PTPRN2: variants seen among roughly 807,000 people sequenced by gnomAD.
The protein encoded by PTPRN2 is receptor-type tyrosine-protein phosphatase N2.
A neutral mutation model predicts 118.8 loss-of-function variants in PTPRN2; 74 were observed. The observed-to-expected ratio is 0.62, with a 90% CI of 0.52 to 0.76. PTPRN2 has a LOEUF of 0.76. Among genes scored for constraint, PTPRN2 ranks in the 30% least tolerant of loss-of-function variants. The probability of loss-of-function intolerance (pLI) is 0.00; values close to 1 mark genes in which losing one functional copy is unlikely to be tolerated. For synonymous variants in PTPRN2, 641 were observed against 608.0 expected (o/e 1.05, Z -0.80); for missense variants, 1,481 against 1,394.4 (o/e 1.06, Z -0.99).
intron 2 of PTPRN2, among the ~76,000 whole-genome samples, chr7:158,407,756 C>T (rs1813712006): frequency 1.3e-5 from 2 of 152,222 alleles, no homozygotes; most frequent in South Asian, 4.1e-4. Flanking sequence ...GCCGCTCAAG[C>T]AGAGCCCGGC....
intron 2 of PTPRN2, among the ~76,000 whole-genome samples, chr7:158,331,691 C>A (rs1250531653): frequency 6.7e-6 from 1 of 150,132 alleles, no homozygotes; most frequent in Non-Finnish European, 1.5e-5. Flanking sequence ...AGAGGTGACA[C>A]TTGCAGACGT....
rs760911129 is a variant in PTPRN2 at position 157,627,507 on chromosome 7, A to G, written c.2197-5998T>C. ...TGCTGTCTGTTCCCTGATCCTTAGGAAGCGTTTGGAGGTGTGTCTTTCGTC... is the reference window on the plus strand; with the variant it reads ...TGCTGTCTGTTCCCTGATCCTTAGGGAGCGTTTGGAGGTGTGTCTTTCGTC... On this transcript the variant is annotated intron_variant, in intron 14 of 22. Coordinates refer to ENST00000389418, the MANE Select transcript of PTPRN2 (RefSeq NM_002847.5). The surrounding 1 kb of genome is among the most constrained non-coding windows in gnomAD (Gnocchi z 4.2). Among the ~76,000 whole-genome samples the G allele has an allele frequency of 3.3e-5, 5 of 152,122 alleles. No individual in the cohort carries two copies. Among genetic ancestry groups the G allele is most frequent in the Admixed American group, 6.5e-5 (1 of 15,278 alleles).
intron 3 of PTPRN2, among the ~76,000 whole-genome samples, chr7:158,287,293 T>C (rs1422896987): frequency 6.6e-6 from 1 of 152,086 alleles, no homozygotes; most frequent in Non-Finnish European, 1.5e-5. Flanking sequence ...CCATTGATCT[T>C]TTCTATTGTT....
intron 12 of PTPRN2, among the ~76,000 whole-genome samples, chr7:157,858,967 C>T (rs1245868129): frequency 1.9e-3 from 2 of 1,048 alleles, no homozygotes. Flanking sequence ...AGCCTCCCAG[C>T]CACCACCCAC....
rs930657003 is a variant in PTPRN2, at chr7:158,113,605, T to G, written c.1557-2690A>C. ...AGCAGGGCCTGCAGATTCAGACTCATGAGCAGGCGCATGCCGTGACTAGTC... is the reference window on the plus strand; with the variant it reads ...AGCAGGGCCTGCAGATTCAGACTCAGGAGCAGGCGCATGCCGTGACTAGTC... On this transcript the variant is annotated intron_variant, in intron 9 of 22. Coordinates refer to ENST00000389418, the MANE Select transcript of PTPRN2 (RefSeq NM_002847.5). Among the ~76,000 whole-genome samples the G allele has an allele frequency of 1.6e-4, 24 of 152,054 alleles. 1 individual carries two copies. The highest frequency in any genetic ancestry group is 1.4e-3 in the Admixed American group (21 of 15,276).
chr7:157,770,971 G>C (rs951060919), intron 12 of PTPRN2, among the ~76,000 whole-genome samples: 5 of 152,254 alleles, frequency 3.3e-5, no homozygotes, highest in African/African-American at 1.2e-4. Context: ...TTGGCCGGTT[G>C]AGGCAGCAGA....
intron 17 of PTPRN2, among the ~76,000 whole-genome samples, chr7:157,589,352 C>A (rs545586942): frequency 6.6e-6 from 1 of 152,390 alleles, no homozygotes; most frequent in South Asian, 2.1e-4. Context: ...CTTATGCCCA[C>A]TGGACTCGAA....
chr7:157,873,258 C>T (rs1427265233), intron 12 of PTPRN2, among the ~76,000 whole-genome samples: 2 of 152,242 alleles, frequency 1.3e-5, no homozygotes, highest in African/African-American at 4.8e-5. Context: ...GAGTGCTGAG[C>T]AAGTATCTGT....
Position 157,603,234 on chromosome 7 carries a change from C to A in PTPRN2, c.2418+768G>T, listed in dbSNP as rs972937841. On this transcript the variant is annotated intron_variant, in intron 16 of 22. Transcript: ENST00000389418. The surrounding 1 kb of genome is among the most constrained non-coding windows in gnomAD (Gnocchi z 5.4). ...GCTTCAGCCCTCTCCATGCTCATAT[C>A]TCTCCCTCCTCTGCTCACTCTGGGA... Among the ~76,000 whole-genome samples the A allele has an allele frequency of 6.6e-6, 1 of 151,556 alleles. No individual in the cohort carries two copies. The highest frequency in any genetic ancestry group is 2.4e-5 in the African/African-American group (1 of 41,300).
At chr7:158,070,770 CATGGTGGAGGTG>C (rs1811276881) in intron 11 of PTPRN2, among the ~76,000 whole-genome samples, 4 of 67,064 alleles carry the variant, frequency 6.0e-5, no homozygotes, top group Admixed American at 1.7e-4. Context: ...TGGAGGTGCT[CATGGTGGAGGTG>C]CCCGTGGTGG....
In PTPRN2 at chr7:158,533,949, C is replaced by T. The variant is rs118041920; in HGVS notation, c.113-44164G>A. Among the ~76,000 whole-genome samples the T allele has an allele frequency of 9.3e-3, 1,411 of 152,362 alleles. 93 individuals are homozygous for T. The highest frequency in any genetic ancestry group is 0.084 in the Admixed American group (1,289 of 15,308). On this transcript the variant is annotated intron_variant, in intron 1 of 22. Transcript: ENST00000389418. The stretch of plus-strand genomic sequence containing the variant: ...ACTGCCTTTGCTGGGGATGCCTTGC[C>T]TGAAGATGCAGGGGCTACCCTCCCT...
chr7:158,011,849 A>C (rs1219889718), intron 11 of PTPRN2, among the ~76,000 whole-genome samples: 1 of 152,134 alleles, frequency 6.6e-6, no homozygotes, highest in Non-Finnish European at 1.5e-5. Flanking sequence ...ACTCAGAAAA[A>C]ATCCAGCTGG....
In PTPRN2 at chr7:157,874,865, T is replaced by C. The variant is rs1795634898; in HGVS notation, c.1788+23808A>G. On this transcript the variant is annotated intron_variant, in intron 12 of 22. Transcript: ENST00000389418. This position sits in a 1 kb window ranked among gnomAD's most constrained non-coding sequence, Gnocchi z 5.8. ...TGCACATATACACACGGAGACACACTCGTGCACATACACACACGGAGACAC... is the reference window on the plus strand; with the variant it reads ...TGCACATATACACACGGAGACACACCCGTGCACATACACACACGGAGACAC... Among the ~76,000 whole-genome samples the C allele has an allele frequency of 6.8e-6, 1 of 146,580 alleles. No homozygotes were observed. The highest frequency in any genetic ancestry group is 1.5e-5 in the Non-Finnish European group (1 of 66,848).
chr7:157,846,599 C>G (rs574835812), intron 12 of PTPRN2, among the ~76,000 whole-genome samples: 1 of 152,220 alleles, frequency 6.6e-6, no homozygotes, highest in Non-Finnish European at 1.5e-5. Flanking sequence ...GAGAGAAAAT[C>G]GTGTCATGGA....
At chr7:158,071,013 G>A (rs1436635216) in intron 11 of PTPRN2, among the ~76,000 whole-genome samples, 8 of 94,820 alleles carry the variant, frequency 8.4e-5, no homozygotes, top group African/African-American at 3.6e-4. Flanking sequence ...GGTGGTGGAG[G>A]TGCTCGTGGT....
At chr7:157,943,745 G>A (rs1800292562) in intron 11 of PTPRN2, among the ~76,000 whole-genome samples, 1 of 151,434 alleles carries the variant, frequency 6.6e-6, no homozygotes, top group Non-Finnish European at 1.5e-5. Context: ...CTAGGACACC[G>A]AAGCCCCCGC....
intron 12 of PTPRN2, among the ~76,000 whole-genome samples, chr7:157,776,084 C>T (rs979128904): frequency 2.0e-5 from 3 of 148,264 alleles, no homozygotes; most frequent in Non-Finnish European, 4.5e-5. Flanking sequence ...CTCTTCTCTT[C>T]CTCCCTCCTC....
In PTPRN2 at chr7:157,974,049, G is replaced by A. The variant is rs565007726; in HGVS notation, c.1724-75312C>T. On this transcript the variant is annotated intron_variant, in intron 11 of 22. Transcript: ENST00000389418. This position sits in a 1 kb window ranked among gnomAD's most constrained non-coding sequence, Gnocchi z 4.0. ...TCTGACCACTGCTGTTGACGTTGGC[G>A]GGGTAGCAGGTGTGGCCATAACATG... 5.1e-4 allele frequency among the ~76,000 whole-genome samples: 77 copies of A among 152,330 alleles called. No individual in the cohort carries two copies. The highest frequency in any genetic ancestry group is 3.5e-3 in the South Asian group (17 of 4,830).
chr7:158,423,747 G>A (rs763689820), intron 2 of PTPRN2, among the ~76,000 whole-genome samples: 3 of 148,878 alleles, frequency 2.0e-5, no homozygotes, highest in South Asian at 2.2e-4. Flanking sequence ...CTGACCTCAA[G>A]TGTTCCGCCC....
Sources: gnomAD v4.1 joint callset for allele counts (sites outside exome capture counted in the v4.1 genomes callset) on GRCh38, gnomAD v4.1.1 for gene constraint, Gnocchi (gnomAD v3.1) non-coding constraint, MANE v1.5 for transcripts, NCBI Gene and HGNC (gene_info 2026-07-23, HGNC 2026-07-21) for gene names.